MTUS2: variants seen among roughly 807,000 people sequenced by gnomAD.
The protein encoded by MTUS2 is microtubule-associated tumor suppressor candidate 2.
Under a neutral mutation model 114.1 loss-of-function variants are expected in MTUS2, and 40 were observed. The observed-to-expected ratio is 0.35, with a 90% CI of 0.27 to 0.46. The LOEUF is 0.46. MTUS2 is among the 20% of genes least tolerant of loss of function. The pLI is 1.00. For synonymous variants in MTUS2, 688 were observed against 672.0 expected (o/e 1.02, Z -0.37); for missense variants, 1,679 against 1,705.4 (o/e 0.98, Z 0.27).
chr13:29,195,050 A>C (rs1282917185), intron 5 of MTUS2, among the ~76,000 whole-genome samples: 1 of 142,390 alleles, frequency 7.0e-6, no homozygotes, highest in South Asian at 2.4e-4. Context: ...AACAATGAGA[A>C]CACATGGACA....
chr13:29,377,109 C>A (rs977228663), intron 8 of MTUS2, among the ~76,000 whole-genome samples: 1 of 152,118 alleles, frequency 6.6e-6, no homozygotes, highest in African/African-American at 2.4e-5. Context: ...GCACATCAAG[C>A]AAAAACTGAG....
chr13:29,492,587 C>G, intron 11 of MTUS2, 59 bp from the exon 12 acceptor site: 1 of 1,411,966 alleles, frequency 7.1e-7, no homozygotes, highest in Non-Finnish European at 1.0e-6. Flanking sequence ...GCCAAAAGAG[C>G]CTTGTTTTAT....
At chr13:29,389,443 G>A (rs62649129) in intron 8 of MTUS2, among the ~76,000 whole-genome samples, 36,512 of 80,806 alleles carry the variant, frequency 0.45, 12,264 homozygotes, top group Admixed American at 0.6. Context: ...GTGTGTATGT[G>A]TATGTATACA....
chr13:29,213,353 TC>T (rs1198934233), intron 5 of MTUS2, among the ~76,000 whole-genome samples: 2 of 152,190 alleles, frequency 1.3e-5, no homozygotes, highest in African/African-American at 4.8e-5. Context: ...ATGTCATAGG[TC>T]AAGTTGTTTG....
intron 8 of MTUS2, among the ~76,000 whole-genome samples, chr13:29,434,898 G>A (rs529042311): frequency 4.6e-5 from 7 of 152,308 alleles, no homozygotes; most frequent in Middle Eastern, 6.8e-3. Flanking sequence ...CAATATCCCC[G>A]CGAGTTTGCA....
intron 8 of MTUS2, among the ~76,000 whole-genome samples, chr13:29,438,822 C>T (rs1555278807): frequency 6.6e-6 from 1 of 152,116 alleles, no homozygotes; most frequent in Non-Finnish European, 1.5e-5. Context: ...TTATTTTTGG[C>T]ATGATGAATA....
At chr13:29,221,672 TTTTA>T (rs1895913713) in intron 5 of MTUS2, among the ~76,000 whole-genome samples, 1 of 152,130 alleles carries the variant, frequency 6.6e-6, no homozygotes, top group African/African-American at 2.4e-5. Flanking sequence ...AAGTTTTTAA[TTTTA>T]TTTTTAATCA....
chr13:29,067,247 G>C (rs900598717), intron 4 of MTUS2, among the ~76,000 whole-genome samples: 1 of 152,076 alleles, frequency 6.6e-6, no homozygotes, highest in Non-Finnish European at 1.5e-5. Context: ...TCAGAGAGAG[G>C]GGGGAGGATA....
chr13:29,440,274 A>G (rs999692968), intron 9 of MTUS2, among the ~76,000 whole-genome samples: 3 of 152,176 alleles, frequency 2.0e-5, no homozygotes, highest in Non-Finnish European at 4.4e-5. Flanking sequence ...TTCACAGTGG[A>G]ACTCATCAGG....
chr13:29,022,887 T>A (rs1403481782), intron 2 of MTUS2, among the ~76,000 whole-genome samples: 1 of 152,258 alleles, frequency 6.6e-6, no homozygotes, highest in Admixed American at 6.5e-5. Context: ...TTCCTCATCA[T>A]TCATTTGGAC....
At chr13:29,245,802 G>T (rs1056419675) in intron 5 of MTUS2, among the ~76,000 whole-genome samples, 4 of 149,366 alleles carry the variant, frequency 2.7e-5, no homozygotes, top group African/African-American at 9.9e-5. Context: ...GTTCACGCCA[G>T]CCTCCTGTCT....
At position 29,030,288 on chromosome 13, in the gene MTUS2, G is replaced by T. The variant is rs557067966; in HGVS notation, c.2205+3385G>T. ...TGAGGGGTTCAGAGAGACCCCACTG[G>T]TGTGGAGAGAGCATCATGGCCTCGC... On this transcript the variant is annotated intron_variant, in intron 3 of 15. Transcript: ENST00000612955. 1.9e-4 allele frequency among the ~76,000 whole-genome samples: 29 copies of T among 152,338 alleles called. No homozygotes were observed. The South Asian group carries it at 5.8e-3, about 30-fold the overall frequency.
At chr13:28,868,377 G>A (rs1460908992) in intron 2 of MTUS2, among the ~76,000 whole-genome samples, 2 of 152,046 alleles carry the variant, frequency 1.3e-5, no homozygotes, top group Non-Finnish European at 2.9e-5. Context: ...TTTTTTCTTC[G>A]TTAGTAAGCT....
intron 7 of MTUS2, among the ~76,000 whole-genome samples, chr13:29,334,944 C>G (rs764106266): frequency 3.3e-5 from 5 of 152,152 alleles, no homozygotes; most frequent in Admixed American, 6.5e-5. Flanking sequence ...CCTCAGGACC[C>G]TGTGATGATG....
At chr13:29,343,805 T>C (rs1359659846) in intron 7 of MTUS2, among the ~76,000 whole-genome samples, 1 of 152,136 alleles carries the variant, frequency 6.6e-6, no homozygotes, top group Admixed American at 6.5e-5. Flanking sequence ...CTTTCTTTCC[T>C]TGTAGCACTG....
At chr13:28,891,041 G>A (rs934713837) in intron 2 of MTUS2, among the ~76,000 whole-genome samples, 2 of 152,160 alleles carry the variant, frequency 1.3e-5, no homozygotes, top group Admixed American at 6.5e-5. Context: ...CCTACAAAGT[G>A]TCAGTTTTCC....
chr13:29,144,697 T>C (rs1892360140), intron 5 of MTUS2, among the ~76,000 whole-genome samples: 1 of 152,178 alleles, frequency 6.6e-6, no homozygotes, highest in African/African-American at 2.4e-5. Flanking sequence ...TAGTGTTCCT[T>C]GAGTTAGCAA....
At chr13:29,451,445 G>C (rs1467031142) in intron 9 of MTUS2, among the ~76,000 whole-genome samples, 1 of 152,120 alleles carries the variant, frequency 6.6e-6, no homozygotes, top group Admixed American at 6.5e-5. Flanking sequence ...TAGCAGAGTT[G>C]GATCTTCTCA....
chr13:28,881,352 A>ATT, intron 2 of MTUS2, among the ~76,000 whole-genome samples: 1 of 149,090 alleles, frequency 6.7e-6, no homozygotes, highest in South Asian at 2.1e-4. Flanking sequence ...TATGTACCAC[A>ATT]TTTTTTTTTT....
Sources: gnomAD v4.1 joint callset for allele counts (sites outside exome capture counted in the v4.1 genomes callset) on GRCh38, gnomAD v4.1.1 for gene constraint, MANE v1.5 for transcripts, NCBI Gene and HGNC (gene_info 2026-07-23, HGNC 2026-07-21) for gene names.